Variants in SMIM7 observed in about 807,000 individuals in gnomAD.
The protein encoded by SMIM7 is UPF0608 protein C19orf42.
In SMIM7, 12 loss-of-function variants were observed where a neutral mutation model predicts 13.3. The observed-to-expected ratio is 0.90, with a 90% CI of 0.58 to 1.46. The LOEUF is 1.46. Among genes scored for constraint, SMIM7 ranks in the 40% most tolerant of loss-of-function variants. The pLI is 0.00. For synonymous variants in SMIM7, 36 were observed against 35.8 expected, an observed-to-expected ratio of 1.01 and a Z score of -0.02; for missense variants, 114 against 94.8, an observed-to-expected ratio of 1.20 and a Z score of -0.84.
At chr19:16,651,923 T>C (rs1288740273) in intron 4 of SMIM7, among the ~76,000 whole-genome samples, 2 of 102,994 alleles carry the variant, frequency 1.9e-5, no homozygotes, top group Non-Finnish European at 3.9e-5. Context: ...GAGAGAAGCA[T>C]AGAAGCATAG....
intron 3 of SMIM7, among the ~76,000 whole-genome samples, chr19:16,654,763 G>C (rs1427640303): frequency 1.3e-5 from 2 of 151,956 alleles, no homozygotes; most frequent in African/African-American, 4.8e-5. Flanking sequence ...CAGTGTCAAT[G>C]AATAAAGTTT....
In SMIM7 at chr19:16,646,949, T is replaced by C; in HGVS notation, c.*297A>G. ...TGCTCAGATCTCTGGATAGAAATGA[T>C]TTTTCTTTTATCTATGGGGAATGCA... On this transcript the variant is annotated 3_prime_UTR_variant, in exon 5 of 5. Coordinates refer to ENST00000487416, the MANE Select transcript of SMIM7 (RefSeq NM_024104.4). The C allele has an allele frequency of 2.0e-6, 1 of 490,080 alleles. No homozygotes were observed. The highest frequency in any genetic ancestry group is 3.7e-6 in the Non-Finnish European group (1 of 272,562). 30.4% of individuals were successfully genotyped at this position (490,080 alleles called of 1,614,324 possible). A position where few individuals can be genotyped will look rare whatever the true frequency, so the allele number is the denominator to read the frequency against.
intron 2 of SMIM7, 26 bp downstream of exon 2, chr19:16,659,933 C>G (rs774907116): frequency 6.2e-7 from 1 of 1,602,128 alleles, no homozygotes; most frequent in Admixed American, 1.7e-5. Flanking sequence ...CCGGATGGAG[C>G]CGCAGTCCGG....
Position 16,635,899 on chromosome 19 carries a change from A to AATATAT in SMIM7, c.*138-4181_*138-4176dup, listed in dbSNP as rs1170352437. 1.6e-3 allele frequency among the ~76,000 whole-genome samples: 174 copies of AATATAT among 109,538 alleles called. 1 individual carries two copies. The highest frequency in any genetic ancestry group is 2.1e-3 in the African/African-American group (49 of 23,134). 71.9% of individuals were successfully genotyped at this position (109,538 alleles called of 152,430 possible). A position where few individuals can be genotyped will look rare whatever the true frequency, so the allele number is the denominator to read the frequency against. On this transcript the variant is annotated intron_variant and NMD_transcript_variant, in intron 4 of 4. Transcript: ENST00000465250. ...ACCCTGTCTCAAAAAAAAAAAAAAAAATATATATATATATATATATATATG... is the reference window on the plus strand; with the variant it reads ...ACCCTGTCTCAAAAAAAAAAAAAAAAATATATATATATATATATATATATATATATG...
intron 3 of SMIM7, among the ~76,000 whole-genome samples, chr19:16,655,680 CAAAAAAAAAAAA>C: frequency 2.6e-5 from 1 of 38,502 alleles, no homozygotes; most frequent in East Asian, 9.1e-4. Flanking sequence ...GACTCCATCT[CAAAAAAAAAAAA>C]AAAAAAAAAA....
chr19:16,636,256 G>A (rs1283459244), intron 4 of SMIM7: 1 of 152,158 alleles, frequency 6.6e-6, no homozygotes, highest in African/African-American at 2.4e-5. Context: ...AGCTGGAGAA[G>A]GCGAGGAAAA....
At chr19:16,634,596 G>C (rs1044100041) in intron 4 of SMIM7, 8 of 151,998 alleles carry the variant, frequency 5.3e-5, no homozygotes, top group African/African-American at 1.7e-4. Flanking sequence ...AGCCAACATG[G>C]CAAAACCCTG....
At chr19:16,659,074 G>A (rs192354276) in intron 3 of SMIM7, 2 of 374,568 alleles carry the variant, frequency 5.3e-6, no homozygotes, top group East Asian at 5.9e-5. Context: ...CTTGAACCCA[G>A]GAGTTCGAGA....
intron 3 of SMIM7, among the ~76,000 whole-genome samples, chr19:16,656,059 G>A (rs1001738417): frequency 6.6e-6 from 1 of 152,118 alleles, no homozygotes; most frequent in Non-Finnish European, 1.5e-5. Flanking sequence ...GTGAAAACAG[G>A]ACCTCCCACC....
downstream of SMIM7, among the ~76,000 whole-genome samples, chr19:16,642,069 C>T (rs978286119): frequency 6.6e-6 from 1 of 152,194 alleles, no homozygotes; most frequent in African/African-American, 2.4e-5. Context: ...CAAGTGAACA[C>T]TCCCAGGGTA....
rs2086456539 is a variant in SMIM7 at position 16,646,979 on chromosome 19, C to T, written c.*267G>A. The stretch of plus-strand genomic sequence containing the variant: ...CTTTTATCTATGGGGAATGCAATTT[C>T]ATCACAGCCCCTTACATAAACGCTC... On this transcript the variant is annotated 3_prime_UTR_variant, in exon 5 of 5. Coordinates refer to ENST00000487416, the MANE Select transcript of SMIM7 (RefSeq NM_024104.4). 1.8e-6 allele frequency: 1 copy of T among 546,280 alleles called. No individual in the cohort carries two copies. The highest frequency in any genetic ancestry group is 3.3e-6 in the Non-Finnish European group (1 of 306,126). The allele number at this position is 546,280 out of a possible 1,614,324, so 33.8% of individuals were successfully genotyped here. A position where few individuals can be genotyped will look rare whatever the true frequency, so the allele number is the denominator to read the frequency against.
intron 4 of SMIM7, chr19:16,652,214 T>C (rs2122532819): frequency 6.6e-6 from 1 of 152,382 alleles, no homozygotes; most frequent in South Asian, 2.1e-4. Context: ...TATTATTATT[T>C]GTTTGGAGAC....
intron 2 of SMIM7, 174 bp downstream of exon 2, chr19:16,659,785 C>T (rs1208299192): frequency 1.2e-6 from 1 of 833,790 alleles, no homozygotes; most frequent in Non-Finnish European, 1.9e-6. Flanking sequence ...TTTAAGGTCT[C>T]TCGGGGGGTG....
chr19:16,630,811 A>C (rs1409731661), exon 5 of SMIM7: 1 of 152,246 alleles, frequency 6.6e-6, no homozygotes, highest in Non-Finnish European at 1.5e-5. Flanking sequence ...CAAAGATTAA[A>C]TCAGACAGCC....
chr19:16,647,200 G>C lies in SMIM7; in HGVS notation c.*46C>G. ...AAGTCATCAGGAATGGAGGAATGGA[G>C]ACTCGGCATCCCGGGAAAGTGAGTT... On this transcript the variant is annotated 3_prime_UTR_variant, in exon 5 of 5. Coordinates refer to ENST00000487416, the MANE Select transcript of SMIM7 (RefSeq NM_024104.4). 1 of 1,613,258 alleles carries C rather than the reference G, an allele frequency of 6.2e-7. No homozygotes were observed. The highest frequency in any genetic ancestry group is 8.5e-7 in the Non-Finnish European group (1 of 1,179,430).
chr19:16,641,264 A>T (rs2086401780), downstream of SMIM7: 1 of 151,362 alleles, frequency 6.6e-6, no homozygotes, highest in South Asian at 2.1e-4. Context: ...AGTAATACAC[A>T]CACAAAGGGG....
chr19:16,659,114 C>G, intron 3 of SMIM7: 1 of 478,292 alleles, frequency 2.1e-6, no homozygotes, highest in Non-Finnish European at 3.8e-6. Flanking sequence ...GAAACCCCAT[C>G]TCTACAAAAA....
At chr19:16,647,302 G>A (rs1486755807) in intron 4 of SMIM7, 41 bp from the exon 5 acceptor site, 2 of 1,612,588 alleles carry the variant, frequency 1.2e-6, no homozygotes, top group Non-Finnish European at 1.7e-6. Context: ...GAGGATAGGA[G>A]GTGACTGTTC....
intron 4 of SMIM7, 58 bp downstream of exon 4, chr19:16,653,977 C>T: frequency 7.3e-7 from 1 of 1,379,044 alleles, no homozygotes; most frequent in Non-Finnish European, 1.0e-6. Flanking sequence ...TCAGGTGGGT[C>T]ACCCTGGAGA....
Sources: gnomAD v4.1 joint callset for allele counts (sites outside exome capture counted in the v4.1 genomes callset) on GRCh38, gnomAD v4.1.1 for gene constraint, MANE v1.5 for transcripts, NCBI Gene and HGNC (gene_info 2026-07-23, HGNC 2026-07-21) for gene names.